The following CCDC85A variants were observed in gnomAD, a reference collection of about 807,000 sequenced individuals.
CCDC85A encodes the protein coiled-coil domain-containing protein 85A.
CCDC85A carries 38 observed loss-of-function variants against 50.2 expected under a neutral mutation model. That is an observed-to-expected ratio of 0.76 (90% CI 0.58 to 0.99). The LOEUF (loss-of-function observed/expected upper bound fraction) is 0.99, where lower values mean the gene tolerates loss of function less well. Ranked by LOEUF, CCDC85A falls within the 50% of genes least tolerant of loss-of-function variation. The probability of loss-of-function intolerance (pLI) is 0.00; values close to 1 mark genes in which losing one functional copy is unlikely to be tolerated. For synonymous variants in CCDC85A, 366 were observed against 301.4 expected, an observed-to-expected ratio of 1.21 and a Z score of -2.22; for missense variants, 820 against 742.0, an observed-to-expected ratio of 1.11 and a Z score of -1.22.
chr2:56,322,165 T>C (rs1673233807), intron 2 of CCDC85A, among the ~76,000 whole-genome samples: 1 of 152,136 alleles, frequency 6.6e-6, no homozygotes, highest in African/African-American at 2.4e-5. Flanking sequence ...AAGACTTAAA[T>C]GTTAGACCTA....
intron 2 of CCDC85A, among the ~76,000 whole-genome samples, chr2:56,270,265 T>C (rs970640280): frequency 6.6e-6 from 1 of 152,210 alleles, no homozygotes; most frequent in Non-Finnish European, 1.5e-5. Context: ...AAAAATGTTA[T>C]TTATGTAATT....
rs374947393 is a variant in CCDC85A, at chr2:56,301,571, G to A, written c.1241-41308G>A. Among the ~76,000 whole-genome samples the A allele has an allele frequency of 9.1e-4, 139 of 152,268 alleles. 2 individuals carry two copies. In the South Asian group the frequency reaches 0.028, roughly 30 times the overall value. On this transcript the variant is annotated intron_variant, in intron 2 of 5. Transcript: ENST00000407595. ...ATACCAAGTGAATAGGAAGTAAGAA[G>A]GGAAAGGTCATACTGTTTAAGATAT...
At chr2:56,356,560 C>T (rs991057250) in intron 3 of CCDC85A, among the ~76,000 whole-genome samples, 1 of 151,994 alleles carries the variant, frequency 6.6e-6, no homozygotes, top group African/African-American at 2.4e-5. Flanking sequence ...ATGGTGAAAC[C>T]CCATCTCTAC....
intron 3 of CCDC85A, among the ~76,000 whole-genome samples, chr2:56,360,766 T>G (rs1292589309): frequency 1.3e-5 from 2 of 152,218 alleles, no homozygotes; most frequent in Non-Finnish European, 2.9e-5. Context: ...GATGAAACCA[T>G]GTTTTATTCC....
At chr2:56,328,678 C>T (rs956206350) in intron 2 of CCDC85A, among the ~76,000 whole-genome samples, 3 of 152,112 alleles carry the variant, frequency 2.0e-5, no homozygotes, top group African/African-American at 4.8e-5. Context: ...GCATGATATT[C>T]GTTCATGCCA....
chr2:56,349,010 C>T (rs577911440), intron 3 of CCDC85A, among the ~76,000 whole-genome samples: 22 of 152,188 alleles, frequency 1.4e-4, no homozygotes, highest in Non-Finnish European at 3.1e-4. Flanking sequence ...TTTCCAGGAT[C>T]CTTAAAGCAA....
intron 3 of CCDC85A, among the ~76,000 whole-genome samples, chr2:56,367,453 C>A (rs1329890376): frequency 6.6e-6 from 1 of 152,122 alleles, no homozygotes; most frequent in Admixed American, 6.6e-5. Context: ...AGAGCTGTCA[C>A]CAGAAATTTT....
intron 2 of CCDC85A, among the ~76,000 whole-genome samples, chr2:56,224,635 T>C (rs1668468165): frequency 6.6e-6 from 1 of 152,192 alleles, no homozygotes; most frequent in African/African-American, 2.4e-5. Flanking sequence ...TTTGCCTTTT[T>C]ATTATAACCT....
At chr2:56,313,462 A>G (rs1672785244) in intron 2 of CCDC85A, among the ~76,000 whole-genome samples, 1 of 152,014 alleles carries the variant, frequency 6.6e-6, no homozygotes, top group South Asian at 2.1e-4. Flanking sequence ...CATTTGTTTC[A>G]TTCTCTGGGC....
At chr2:56,379,750 G>A (rs1033973386) in intron 5 of CCDC85A, 1 of 976,442 alleles carries the variant, frequency 1.0e-6, no homozygotes, top group Admixed American at 6.2e-5. Flanking sequence ...ACAAATCCAG[G>A]TCTTGGATGT....
intron 2 of CCDC85A, among the ~76,000 whole-genome samples, chr2:56,263,719 A>T (rs897471870): frequency 2.0e-5 from 3 of 152,210 alleles, no homozygotes. Flanking sequence ...GGCTCTTAGG[A>T]ACTGCAAGTT....
intron 3 of CCDC85A, among the ~76,000 whole-genome samples, chr2:56,351,458 A>T (rs1674935318): frequency 6.9e-6 from 1 of 144,952 alleles, no homozygotes; most frequent in Non-Finnish European, 1.5e-5. Context: ...ACTAGTTTAC[A>T]GTCCCACCAA....
intron 2 of CCDC85A, among the ~76,000 whole-genome samples, chr2:56,229,492 G>A (rs1668687923): frequency 6.6e-6 from 1 of 152,150 alleles, no homozygotes. Context: ...AGTTCTTCAA[G>A]CTTTTCTAAG....
intron 4 of CCDC85A, among the ~76,000 whole-genome samples, chr2:56,374,708 C>G (rs370649259): frequency 2.0e-5 from 3 of 152,202 alleles, no homozygotes; most frequent in South Asian, 4.1e-4. Context: ...ACTCAGGAGG[C>G]TGAGGTGGGA....
At chr2:56,200,568 C>T (rs140007742) in intron 2 of CCDC85A, among the ~76,000 whole-genome samples, 87 of 152,186 alleles carry the variant, frequency 5.7e-4, no homozygotes, top group African/African-American at 2.0e-3. Context: ...TTTAGAGTGC[C>T]GTTCAAGTGT....
At chr2:56,332,337 A>G (rs1205356189) in intron 2 of CCDC85A, among the ~76,000 whole-genome samples, 2 of 152,036 alleles carry the variant, frequency 1.3e-5, no homozygotes, top group East Asian at 1.9e-4. Flanking sequence ...AACAACAGAA[A>G]TTTATTGCTC....
At chr2:56,212,416 T>G (rs1677215536) in intron 2 of CCDC85A, among the ~76,000 whole-genome samples, 1 of 147,108 alleles carries the variant, frequency 6.8e-6, no homozygotes, top group African/African-American at 2.4e-5. Flanking sequence ...ATTCCAAAAT[T>G]ACTGTTGTCG....
chr2:56,270,158 CTAA>C (rs1328407945), intron 2 of CCDC85A, among the ~76,000 whole-genome samples: 2 of 152,116 alleles, frequency 1.3e-5, no homozygotes, highest in African/African-American at 4.8e-5. Flanking sequence ...TTCCTTTAGA[CTAA>C]TGAGTGGTAG....
At chr2:56,370,600 ATACT>A (rs1676022207) in intron 3 of CCDC85A, among the ~76,000 whole-genome samples, 1 of 152,104 alleles carries the variant, frequency 6.6e-6, no homozygotes, top group African/African-American at 2.4e-5. Context: ...ACATTTTATA[ATACT>A]TAAAGTATAG....
Sources: allele counts gnomAD v4.1 joint callset (sites outside exome capture counted in the v4.1 genomes callset), GRCh38; gene constraint gnomAD v4.1.1; transcripts MANE v1.5; gene names NCBI Gene and HGNC (gene_info 2026-07-23, HGNC 2026-07-21).